The following OPA1 variants were observed in gnomAD, a reference collection of about 807,000 sequenced individuals.
OPA1 encodes OPA1 mitochondrial dynamin like GTPase.
OPA1 carries 59 observed loss-of-function variants against 152.9 expected under a neutral mutation model. The observed-to-expected ratio is 0.39, with a 90% CI of 0.31 to 0.48. The LOEUF is 0.48. Ranked by LOEUF, OPA1 falls within the 20% of genes least tolerant of loss-of-function variation. The pLI, the probability that OPA1 is intolerant of heterozygous loss-of-function variation, is 0.96. For missense variants in OPA1, 1,008 were observed against 1,216.8 expected (o/e 0.83, Z 2.55); for synonymous variants, 400 against 389.9 (o/e 1.03, Z -0.31).
rs560226641 is a variant in OPA1 at position 193,637,780 on chromosome 3, A to G, written c.1036-172A>G. On this transcript the variant is annotated intron_variant, in intron 10 of 30. Transcript: ENST00000361510. ...ATCCAGTTATAGTTTTGCTGTTCCT[A>G]TTTTCAATGTGCACACATGCATCAA... is the stretch of plus-strand genomic sequence containing the variant. Among the ~76,000 whole-genome samples, 15 of 152,288 alleles carry G rather than the reference A, an allele frequency of 9.8e-5. No homozygotes were observed. In the South Asian group the frequency reaches 2.3e-3, roughly 23 times the overall value.
intron 23 of OPA1, 55 bp from the exon 24 acceptor site, chr3:193,658,832 A>G (rs1714542612): frequency 8.4e-7 from 1 of 1,188,432 alleles, no homozygotes; most frequent in Admixed American, 1.7e-5. Flanking sequence ...GAATAAAACT[A>G]CTAAAATGAT....
intron 9 of OPA1, 72 bp from the exon 10 acceptor site, chr3:193,637,123 T>G (rs1217272492): frequency 5.2e-6 from 4 of 773,250 alleles, no homozygotes; most frequent in Non-Finnish European, 8.5e-6. Context: ...CACTTTTTTC[T>G]CTTGACACAT....
chr3:193,638,384 G>A (rs779236524), intron 11 of OPA1, among the ~76,000 whole-genome samples: 3 of 152,168 alleles, frequency 2.0e-5, no homozygotes, highest in Non-Finnish European at 4.4e-5. Flanking sequence ...TAATTTTCTA[G>A]TTTTATTGTG....
Position 193,648,860 on chromosome 3 carries a change from A to G in OPA1, c.2001A>G (p.Thr667=). The part of the protein sequence containing the change: ...LDEVISLSQV[T]PKHWEEILQQ... ...AAGTTATCAGTCTGAGCCAGGTTAC[A>G]CCAAAACATTGGTAAGTATTTGATA... is the stretch of plus-strand genomic sequence containing the variant. The change falls in exon 21 of 31, where the codon ACA becomes ACG. Residue 667 remains threonine, a synonymous_variant. Transcript: ENST00000361510. 1 of 1,602,474 alleles carries G rather than the reference A, an allele frequency of 6.2e-7. No homozygotes were observed. The highest frequency in any genetic ancestry group is 8.5e-7 in the Non-Finnish European group (1 of 1,169,678).
intron 6 of OPA1, among the ~76,000 whole-genome samples, chr3:193,625,127 C>G (rs776583924): frequency 6.6e-6 from 1 of 151,064 alleles, no homozygotes; most frequent in African/African-American, 2.4e-5. Flanking sequence ...TTTTTGAGGT[C>G]GATTATCTAA....
intron 7 of OPA1, among the ~76,000 whole-genome samples, chr3:193,631,330 G>A (rs1732038481): frequency 6.6e-6 from 1 of 150,922 alleles, no homozygotes; most frequent in African/African-American, 2.4e-5. Context: ...TTGATCTCTT[G>A]TTTTTCTAAC....
intron 29 of OPA1, among the ~76,000 whole-genome samples, chr3:193,679,870 G>A (rs1719848523): frequency 1.3e-5 from 2 of 152,124 alleles, no homozygotes; most frequent in South Asian, 4.1e-4. Flanking sequence ...TGACTTAAAG[G>A]TGATTTTCCA....
intron 1 of OPA1, among the ~76,000 whole-genome samples, chr3:193,598,653 AG>A (rs1452790085): frequency 1.3e-5 from 2 of 152,210 alleles, no homozygotes; most frequent in Non-Finnish European, 1.5e-5. Context: ...GCATAATCTA[AG>A]GTGGTAAGTG....
intron 29 of OPA1, among the ~76,000 whole-genome samples, chr3:193,675,935 C>T (rs1338882576): frequency 6.6e-6 from 1 of 152,244 alleles, no homozygotes. Flanking sequence ...AAACTTTCTT[C>T]TACTCTGTCT....
intron 29 of OPA1, among the ~76,000 whole-genome samples, chr3:193,677,048 A>G (rs373119586): frequency 2.0e-5 from 3 of 151,788 alleles, no homozygotes; most frequent in East Asian, 3.9e-4. Flanking sequence ...AGCGTAAAAG[A>G]ACATTTTCTT....
intron 1 of OPA1, among the ~76,000 whole-genome samples, chr3:193,612,435 A>G (rs1728400238): frequency 6.6e-6 from 1 of 152,154 alleles, no homozygotes; most frequent in African/African-American, 2.4e-5. Context: ...TCTGTTGCTT[A>G]AGCTTTTCAT....
intron 23 of OPA1, among the ~76,000 whole-genome samples, chr3:193,657,870 A>C (rs375345510): frequency 3.1e-4 from 47 of 152,224 alleles, no homozygotes; most frequent in African/African-American, 1.1e-3. Context: ...GAGTTACTAG[A>C]GGTGTTGTTG....
chr3:193,640,910 T>C (rs952187986), intron 11 of OPA1, among the ~76,000 whole-genome samples: 3 of 152,204 alleles, frequency 2.0e-5, no homozygotes, highest in African/African-American at 7.2e-5. Flanking sequence ...CAGCCTAGTG[T>C]GATTCATCTA....
At chr3:193,614,414 G>A (rs1470401540) in intron 1 of OPA1, among the ~76,000 whole-genome samples, 1 of 152,196 alleles carries the variant, frequency 6.6e-6, no homozygotes. Flanking sequence ...TTTGAATCAT[G>A]CCTTTGTTTC....
chr3:193,672,472 A>T (rs574996711), intron 29 of OPA1, among the ~76,000 whole-genome samples: 2 of 152,324 alleles, frequency 1.3e-5, no homozygotes, highest in African/African-American at 4.8e-5. Context: ...ACCCTTGTTC[A>T]CTAAAGCCTG....
intron 3 of OPA1, 62 bp from the exon 4 acceptor site, chr3:193,617,116 A>C: frequency 9.9e-7 from 1 of 1,010,520 alleles, no homozygotes; most frequent in Non-Finnish European, 1.6e-6. Flanking sequence ...TTAGCCCTTT[A>C]TAAGAATAGT....
At chr3:193,663,451 T>C (rs1715779747) in intron 26 of OPA1, among the ~76,000 whole-genome samples, 1 of 152,154 alleles carries the variant, frequency 6.6e-6, no homozygotes, top group African/African-American at 2.4e-5. Flanking sequence ...CTTTTGTTAA[T>C]GTGAGAATAA....
At chr3:193,643,146 C>T in intron 13 of OPA1, 97 bp downstream of exon 13, 1 of 1,034,024 alleles carries the variant, frequency 9.7e-7, no homozygotes, top group Middle Eastern at 2.0e-4. Flanking sequence ...TAGATTGCTG[C>T]TATCTAGATA....
chr3:193,646,825 A>C (rs1442569034), intron 18 of OPA1, among the ~76,000 whole-genome samples: 1 of 152,194 alleles, frequency 6.6e-6, no homozygotes. Flanking sequence ...TTAAAATTCA[A>C]CAAAATTCAA....
Sources: gnomAD v4.1 joint callset for allele counts (sites outside exome capture counted in the v4.1 genomes callset) on GRCh38, gnomAD v4.1.1 for gene constraint, MANE v1.5 for transcripts, NCBI Gene and HGNC (gene_info 2026-07-23, HGNC 2026-07-21) for gene names.